LRTM3: variants seen among roughly 807,000 people sequenced by gnomAD.
LRTM3 encodes leucine rich repeat transmembrane protein 3.
At chr13:102,755,949 ATATATATATATATT>A in the LRTM3 span, among the ~76,000 whole-genome samples, 5,590 of 59,220 alleles carry the variant, frequency 0.094, 126 homozygotes, top group South Asian at 0.12. Context: ...ATACATATAT[ATATATATATATATT>A]TTTTTTTTTT....
chr13:102,738,274 G>A, the LRTM3 span: 1 of 1,550,442 alleles, frequency 6.4e-7, no homozygotes, highest in East Asian at 2.4e-5. Flanking sequence ...CTTTGATTGT[G>A]ATATCACCCT....
chr13:102,736,982 G>T, the LRTM3 span: 4 of 1,551,120 alleles, frequency 2.6e-6, no homozygotes, highest in Non-Finnish European at 3.5e-6. Flanking sequence ...GTGAGATAGA[G>T]AAGGTATTGT....
the LRTM3 span, chr13:102,734,010 A>G: frequency 9.7e-6 from 15 of 1,551,322 alleles, 1 homozygote; most frequent in Admixed American, 2.2e-4. Flanking sequence ...GAATCCAGAT[A>G]AAGAGGAGGT....
the LRTM3 span, chr13:102,741,903 A>G: frequency 6.4e-7 from 1 of 1,550,456 alleles, no homozygotes; most frequent in Admixed American, 2.0e-5. Context: ...CCAATATAGT[A>G]TTGGGATATG....
At chr13:102,746,249 C>T in the LRTM3 span, 1 of 1,550,838 alleles carries the variant, frequency 6.4e-7, no homozygotes, top group Non-Finnish European at 8.7e-7. Context: ...CGCCTCAGAC[C>T]CCAGGTGCTG....
At chr13:102,746,301 C>T in the LRTM3 span, 1 of 1,551,038 alleles carries the variant, frequency 6.4e-7, no homozygotes, top group Non-Finnish European at 8.7e-7. Flanking sequence ...TTATGTTCCT[C>T]TTCCTTTCCA....
chr13:102,732,474 G>A, the LRTM3 span: 931,679 of 1,549,166 alleles, frequency 0.6, 284,684 homozygotes, highest in East Asian at 0.82. Flanking sequence ...TGATCTTTAC[G>A]TTTGGGAGAA....
At chr13:102,737,773 T>A in the LRTM3 span, 1 of 1,550,988 alleles carries the variant, frequency 6.4e-7, no homozygotes, top group Non-Finnish European at 8.7e-7. Flanking sequence ...CTGTCTCTGA[T>A]GATTTCTGGT....
chr13:102,754,072 G>A, the LRTM3 span, among the ~76,000 whole-genome samples: 1 of 152,036 alleles, frequency 6.6e-6, no homozygotes, highest in Non-Finnish European at 1.5e-5. Context: ...TGGGCATGGT[G>A]GCATGCACCT....
the LRTM3 span, chr13:102,746,936 A>T: frequency 7.7e-6 from 12 of 1,551,216 alleles, no homozygotes; most frequent in Non-Finnish European, 1.0e-5. Flanking sequence ...TAGTTCCATT[A>T]TGGGAGAAAC....
chr13:102,731,852 G>A, the LRTM3 span: 1 of 1,550,198 alleles, frequency 6.5e-7, no homozygotes, highest in Non-Finnish European at 8.7e-7. Flanking sequence ...TTCAAGCATA[G>A]ATGGACACTC....
At chr13:102,733,619 G>A in the LRTM3 span, 3 of 1,551,288 alleles carry the variant, frequency 1.9e-6, no homozygotes, top group East Asian at 7.3e-5. Context: ...CGCAGTTAAA[G>A]TTTCTGTTTT....
chr13:102,744,804 T>G, the LRTM3 span: 10 of 1,550,828 alleles, frequency 6.4e-6, no homozygotes, highest in Non-Finnish European at 4.4e-6. Context: ...TCAGTCAAAT[T>G]GGCCTTCTGT....
At chr13:102,730,751 G>A in the LRTM3 span, 1 of 1,551,682 alleles carries the variant, frequency 6.4e-7, no homozygotes, top group Non-Finnish European at 8.7e-7. Context: ...CACTGCAATT[G>A]TGTTTAACTT....
chr13:102,758,668 C>T, the LRTM3 span: 1 of 1,516,702 alleles, frequency 6.6e-7, no homozygotes. Context: ...ATTTTGAAAA[C>T]TAGGAAAAGG....
the LRTM3 span, chr13:102,742,124 C>T: frequency 6.4e-7 from 1 of 1,550,392 alleles, no homozygotes; most frequent in Non-Finnish European, 8.7e-7. Flanking sequence ...GCTAGACACA[C>T]AGTATCCAGA....
the LRTM3 span, chr13:102,730,206 A>C: frequency 6.4e-7 from 1 of 1,551,064 alleles, no homozygotes; most frequent in African/African-American, 1.4e-5. Flanking sequence ...AATGATTTCA[A>C]ATCAGTCGTG....
the LRTM3 span, chr13:102,736,280 A>T: frequency 8.4e-6 from 13 of 1,550,946 alleles, no homozygotes; most frequent in Non-Finnish European, 1.0e-5. Flanking sequence ...TCTCTCTTTC[A>T]TGCCCCACTG....
chr13:102,738,136 T>A, the LRTM3 span: 1 of 1,551,140 alleles, frequency 6.4e-7, no homozygotes. Context: ...TAGTATTCAA[T>A]GGTAGGTCCT....
Sources: allele counts gnomAD v4.1 joint callset (sites outside exome capture counted in the v4.1 genomes callset), GRCh38; gene constraint gnomAD v4.1.1; transcripts MANE v1.5; gene names NCBI Gene and HGNC (gene_info 2026-07-23, HGNC 2026-07-21).